ELOVL2: variants seen among roughly 807,000 people sequenced by gnomAD.
ELOVL2 encodes the protein very long chain fatty acid elongase 2.
A neutral mutation model predicts 37.7 loss-of-function variants in ELOVL2; 38 were observed. That is an observed-to-expected ratio of 1.01 (90% CI 0.78 to 1.32). ELOVL2 has a LOEUF of 1.32. ELOVL2 is among the 40% of genes most tolerant of loss of function. The pLI is 0.00. For missense variants in ELOVL2, 352 were observed against 363.6 expected, an observed-to-expected ratio of 0.97 and a Z score of 0.26; for synonymous variants, 115 against 122.3, an observed-to-expected ratio of 0.94 and a Z score of 0.40.
chr6:11,044,220 C>A lies in ELOVL2; in HGVS notation c.3+8G>T. On this transcript the variant is annotated splice_region_variant and intron_variant, in intron 1 of 7. Coordinates refer to ENST00000354666, the MANE Select transcript of ELOVL2 (RefSeq NM_017770.4). This position sits in a 1 kb window ranked among gnomAD's most constrained non-coding sequence, Gnocchi z 5.6. ...GCGGTGTCGGTGGCGGCGCGCGGCC[C>A]CACTCACCATGATCCGCAGCGGCTG... is the stretch of plus-strand genomic sequence containing the variant. The A allele has an allele frequency of 7.0e-7, 1 of 1,428,510 alleles. No individual in the cohort carries two copies. 88.5% of individuals were successfully genotyped at this position (1,428,510 alleles called of 1,614,324 possible).
chr6:10,993,517 T>C (rs1782202950), intron 5 of ELOVL2, among the ~76,000 whole-genome samples: 1 of 152,244 alleles, frequency 6.6e-6, no homozygotes, highest in South Asian at 2.1e-4. Flanking sequence ...AGAGTAATTT[T>C]ACCCATGTAT....
chr6:10,986,111 T>C (rs573531097), intron 7 of ELOVL2, among the ~76,000 whole-genome samples: 3,847 of 152,282 alleles, frequency 0.025, 162 homozygotes, highest in African/African-American at 0.087. Context: ...TTTGAAGCAA[T>C]TGTGAATGGG....
intron 1 of ELOVL2, among the ~76,000 whole-genome samples, chr6:11,017,146 G>A (rs1782696145): frequency 6.6e-6 from 1 of 152,332 alleles, no homozygotes; most frequent in African/African-American, 2.4e-5. Flanking sequence ...TCTTAGAAAT[G>A]AGATGTTAAT....
chr6:11,016,141 C>T (rs573747013), intron 1 of ELOVL2, among the ~76,000 whole-genome samples: 2 of 71,652 alleles, frequency 2.8e-5, no homozygotes, highest in East Asian at 4.6e-3. Context: ...TTTCCTTTTC[C>T]CCTCTATTTC....
chr6:10,992,800 C>CAAAAAA (rs1554110938), intron 5 of ELOVL2, among the ~76,000 whole-genome samples: 1 of 111,080 alleles, frequency 9.0e-6, no homozygotes, highest in Non-Finnish European at 1.7e-5. Context: ...AAAAACAAAA[C>CAAAAAA]AAAAAAAAAC....
Position 10,982,084 on chromosome 6 carries a change from AG to A in ELOVL2, c.*1696del, listed in dbSNP as rs2113453228. On this transcript the variant is annotated 3_prime_UTR_variant, in exon 8 of 8. Transcript: ENST00000354666. Reference sequence around the variant, plus strand: ...ATTTAGAAAGATAAATGTAAGAGTCAGGGGCATCACACAGGAGACATCTGTT... The same window carrying A: ...ATTTAGAAAGATAAATGTAAGAGTCAGGGCATCACACAGGAGACATCTGTT... 6.6e-6 allele frequency: 1 copy of A among 152,412 alleles called. No individual in the cohort carries two copies. Among genetic ancestry groups the A allele is most frequent in the Non-Finnish European group, 1.5e-5 (1 of 68,082 alleles). The allele number at this position is 152,412 out of a possible 1,614,324, so 9.4% of individuals were successfully genotyped here.
In ELOVL2 at chr6:10,989,820, G is replaced by A; in HGVS notation, c.648C>T (p.Thr216=). 3.1e-6 allele frequency: 5 copies of A among 1,614,160 alleles called. No individual in the cohort carries two copies. Among genetic ancestry groups the A allele is most frequent in the African/African-American group, 1.3e-5 (1 of 75,058 alleles). The part of the protein sequence containing the change: ...TQAQLVQFVL[T]ITHTMSAVVK... Reference sequence around the variant, plus strand: ...CGACGGCGCTCATGGTGTGCGTGATGGTGAGCACGAACTGCACCTGGGGAC... The same window carrying A: ...CGACGGCGCTCATGGTGTGCGTGATAGTGAGCACGAACTGCACCTGGGGAC... Residue 216 remains threonine (T), a synonymous_variant, in exon 7 of 8, where the codon ACC becomes ACT. Transcript: ENST00000354666.
intron 1 of ELOVL2, among the ~76,000 whole-genome samples, chr6:11,038,248 G>A (rs1006161950): frequency 6.6e-6 from 1 of 152,240 alleles, no homozygotes; most frequent in Admixed American, 6.5e-5. Context: ...ATTAATAAAT[G>A]TAAAATAGTA....
Position 11,005,475 on chromosome 6 carries a change from A to C in ELOVL2, c.152T>G (p.Leu51Arg). Reference sequence around the variant, plus strand: ...TCTGTTCTTCATATACTTGTTACCCAGCCATATTGAGAGCAGATACATGAC... The same window carrying C: ...TCTGTTCTTCATATACTTGTTACCCCGCCATATTGAGAGCAGATACATGAC... ...LTVMYLLSIW[L>R]GNKYMKNRPA... The change falls in exon 3 of 8, where the codon CTG (leucine) becomes CGG (arginine). Residue 51 changes from leucine to arginine, a missense_variant. Leu to Arg is a moderately radical substitution (Grantham distance 102, BLOSUM62 -2). Coordinates refer to ENST00000354666, the MANE Select transcript of ELOVL2 (RefSeq NM_017770.4). 3 of 1,614,186 alleles carry C rather than the reference A, an allele frequency of 1.9e-6. No homozygotes were observed. Among genetic ancestry groups the C allele is most frequent in the Non-Finnish European group, 2.5e-6 (3 of 1,180,010 alleles).
chr6:11,009,282 T>C (rs1212116047), intron 2 of ELOVL2, among the ~76,000 whole-genome samples: 2 of 152,182 alleles, frequency 1.3e-5, no homozygotes. Flanking sequence ...ACCCTGTAGG[T>C]ACCATGCTTT....
intron 1 of ELOVL2, among the ~76,000 whole-genome samples, chr6:11,041,999 C>T (rs541673685): frequency 1.0e-5 from 1 of 98,750 alleles, no homozygotes; most frequent in African/African-American, 5.3e-5. Context: ...TACTCCCTGC[C>T]CATTTTTTTT....
rs146714276 is a variant in ELOVL2 at position 11,005,389 on chromosome 6, C to A, written c.238G>T (p.Ala80Ser). 6 of 1,613,268 alleles carry A rather than the reference C, an allele frequency of 3.7e-6. No individual in the cohort carries two copies. Among genetic ancestry groups the A allele is most frequent in the Non-Finnish European group, 8.5e-7 (1 of 1,179,678 alleles). ...LYNLGITLLS[A>S]YMLAELILST... The stretch of plus-strand genomic sequence containing the variant: ...ACACTTACCTCTGCCAGCATGTACG[C>A]GGAGAGAAGTGTGATTCCAAGATTA... The change falls in exon 3 of 8, where the codon GCG (alanine) becomes TCG (serine). Residue 80 changes from alanine (A) to serine (S), a missense_variant. Coordinates refer to ENST00000354666, the MANE Select transcript of ELOVL2 (RefSeq NM_017770.4).
At chr6:11,023,789 CAGCATTTAAATCTGAATAAT>C (rs1396260860) in intron 1 of ELOVL2, among the ~76,000 whole-genome samples, 3 of 152,298 alleles carry the variant, frequency 2.0e-5, no homozygotes, top group East Asian at 1.9e-4. Flanking sequence ...ACCTCTCCCT[CAGCATTTAAATCTGAATAAT>C]GTCAAATCAA....
At chr6:10,998,651 G>A (rs1782317041) in intron 4 of ELOVL2, among the ~76,000 whole-genome samples, 1 of 152,084 alleles carries the variant, frequency 6.6e-6, no homozygotes, top group Admixed American at 6.5e-5. Flanking sequence ...GATGATCCTT[G>A]TAGTCCTGGA....
intron 7 of ELOVL2, among the ~76,000 whole-genome samples, chr6:10,984,947 C>T (rs1782020730): frequency 6.6e-6 from 1 of 152,314 alleles, no homozygotes; most frequent in African/African-American, 2.4e-5. Context: ...CTGACTTCCA[C>T]AAGGGTTGAA....
Position 11,010,791 on chromosome 6 carries a change from C to G in ELOVL2, c.22G>C (p.Asp8His), listed in dbSNP as rs767856587. 6.2e-7 allele frequency: 1 copy of G among 1,611,308 alleles called. No individual in the cohort carries two copies. Among genetic ancestry groups the G allele is most frequent in the Non-Finnish European group, 8.5e-7 (1 of 1,179,276 alleles). MEHLKAF[D>H]DEINAFLDNM... The stretch of plus-strand genomic sequence containing the variant: ...TCCAAAAAAGCATTGATTTCATCAT[C>G]AAAGGCCTTTAGATGTTCCTAAAAA... Residue 8 changes from aspartate to histidine, a missense_variant, in exon 2 of 8, where the codon GAT (aspartate) becomes CAT (histidine). Coordinates refer to ENST00000354666, the MANE Select transcript of ELOVL2 (RefSeq NM_017770.4).
chr6:11,029,485 AATAG>A (rs1456690603), intron 1 of ELOVL2, among the ~76,000 whole-genome samples: 19 of 152,346 alleles, frequency 1.2e-4, no homozygotes, highest in South Asian at 1.2e-3. Context: ...GTAGAAGTTG[AATAG>A]ATAGTCACTG....
chr6:11,015,935 G>C (rs1782677662), intron 1 of ELOVL2: 1 of 152,168 alleles, frequency 6.6e-6, no homozygotes, highest in East Asian at 1.9e-4. Flanking sequence ...CTGATGGCCA[G>C]ATTTTCTTCA....
chr6:11,026,846 A>C (rs1484284901), intron 1 of ELOVL2, among the ~76,000 whole-genome samples: 1 of 149,682 alleles, frequency 6.7e-6, no homozygotes, highest in Non-Finnish European at 1.5e-5. Flanking sequence ...TAGATTAACT[A>C]TCCTTACATA....
Sources: gnomAD v4.1 joint callset for allele counts (sites outside exome capture counted in the v4.1 genomes callset) on GRCh38, gnomAD v4.1.1 for gene constraint, Gnocchi (gnomAD v3.1) non-coding constraint, MANE v1.5 for transcripts, NCBI Gene and HGNC (gene_info 2026-07-23, HGNC 2026-07-21) for gene names.